Variants in PCM1 observed in about 807,000 individuals in gnomAD.
PCM1 encodes the protein pericentriolar material 1 protein.
In PCM1, 157 loss-of-function variants were observed where a neutral mutation model predicts 241.9. The observed-to-expected ratio is 0.65, with a 90% CI of 0.57 to 0.74. The LOEUF is 0.74. PCM1 is among the 30% of genes least tolerant of loss of function. The pLI is 0.00. For synonymous variants in PCM1, 1,085 were observed against 784.9 expected (o/e 1.38, Z -6.39); for missense variants, 3,478 against 2,360.1 (o/e 1.47, Z -9.81).
intron 26 of PCM1, among the ~76,000 whole-genome samples, chr8:17,989,511 C>G (rs2083759444): frequency 6.6e-6 from 1 of 151,970 alleles, no homozygotes; most frequent in Admixed American, 6.6e-5. Flanking sequence ...GAGTAAGCTA[C>G]TAGACATTGT....
At chr8:17,980,815 T>A in intron 24 of PCM1, 60 bp downstream of exon 24, 1 of 1,337,224 alleles carries the variant, frequency 7.5e-7, no homozygotes, top group South Asian at 1.4e-5. Context: ...TTTGAAAAGC[T>A]ATAATAAAGC....
intron 4 of PCM1, 142 bp from the exon 5 acceptor site, chr8:17,938,598 G>C: frequency 1.6e-6 from 1 of 614,802 alleles, no homozygotes; most frequent in Non-Finnish European, 2.9e-6. Flanking sequence ...CAGAGCCAAA[G>C]CTCTTTCAGG....
At chr8:17,953,219 A>G (rs1277438583) in intron 9 of PCM1, 33 bp downstream of exon 9, 7 of 1,119,126 alleles carry the variant, frequency 6.3e-6, no homozygotes, top group Non-Finnish European at 7.9e-6. Context: ...TATTGGGTAT[A>G]AGACACACAA....
chr8:17,942,320 A>T (rs1316439394), intron 6 of PCM1, among the ~76,000 whole-genome samples: 1 of 152,148 alleles, frequency 6.6e-6, no homozygotes, highest in East Asian at 1.9e-4. Flanking sequence ...TACAAAAATT[A>T]GCTGGGCACG....
intron 9 of PCM1, among the ~76,000 whole-genome samples, chr8:17,954,810 A>G (rs1305442567): frequency 1.5e-4 from 23 of 152,222 alleles, no homozygotes; most frequent in Non-Finnish European, 2.8e-4. Context: ...GTTAAATAGA[A>G]AGTAATTAAA....
Position 17,966,083 on chromosome 8 carries a change from G to T in PCM1, c.2940G>T (p.Arg980=). The change falls in exon 19 of 39, where the codon CGG becomes CGT. Residue 980 remains arginine (R), a synonymous_variant. Coordinates refer to ENST00000325083, the MANE Select transcript of PCM1 (RefSeq NM_006197.4). ...GGCAACAGAATATCAGCATGCAACG[G>T]CAAGAAAACCTTCGTTGGGTGTCAG... ...KTRQQNISMQ[R]QENLRWVSEL... 1 of 1,613,838 alleles carries T rather than the reference G, an allele frequency of 6.2e-7. No homozygotes were observed. The highest frequency in any genetic ancestry group is 8.5e-7 in the Non-Finnish European group (1 of 1,179,784).
At chr8:17,954,031 T>A (rs185156138) in intron 9 of PCM1, among the ~76,000 whole-genome samples, 1 of 152,340 alleles carries the variant, frequency 6.6e-6, no homozygotes, top group East Asian at 1.9e-4. Flanking sequence ...ACCTTAATAT[T>A]CCTGTCCTAA....
At position 17,967,179 on chromosome 8, in the gene PCM1, C is replaced by G. The variant is rs2075181116; in HGVS notation, c.3412+9C>G. On this transcript the variant is annotated intron_variant, in intron 21 of 38. Coordinates refer to ENST00000325083, the MANE Select transcript of PCM1 (RefSeq NM_006197.4). Reference sequence around the variant, plus strand: ...TTCATCATTTGCACCAGGTAGGTGACTTAACCTAAAGAGAAAATAAATAAA... The same window carrying G: ...TTCATCATTTGCACCAGGTAGGTGAGTTAACCTAAAGAGAAAATAAATAAA... 1.3e-6 allele frequency: 2 copies of G among 1,561,520 alleles called. No homozygotes were observed. Among genetic ancestry groups the G allele is most frequent in the East Asian group, 2.3e-5 (1 of 43,528 alleles).
chr8:17,923,468 G>C (rs1227527975), intron 1 of PCM1, among the ~76,000 whole-genome samples: 1 of 152,224 alleles, frequency 6.6e-6, no homozygotes, highest in African/African-American at 2.4e-5. Flanking sequence ...TGCTGGCCCT[G>C]TCGGGGAGGC....
chr8:18,008,285 G>A (rs187476204), intron 30 of PCM1, among the ~76,000 whole-genome samples: 62 of 151,978 alleles, frequency 4.1e-4, no homozygotes, highest in Non-Finnish European at 8.5e-4. Flanking sequence ...CACGTGTGAG[G>A]GATCTAGGTT....
chr8:17,993,091 G>GT (rs779170361), intron 28 of PCM1, among the ~76,000 whole-genome samples: 52 of 151,940 alleles, frequency 3.4e-4, no homozygotes, highest in Non-Finnish European at 5.7e-4. Context: ...AAACTTTTTA[G>GT]TTTAAGTTCC....
chr8:17,924,713 G>A lies in PCM1; in HGVS notation c.-90G>A, dbSNP rs2056219931. On this transcript the variant is annotated splice_region_variant and 5_prime_UTR_variant, in exon 2 of 39. Coordinates refer to ENST00000325083, the MANE Select transcript of PCM1 (RefSeq NM_006197.4). ...GATACATATTTTTAATCCTAATTAG[G>A]AAACAGCTTTGAAGTGTGGAGCGGG... 1 of 152,118 alleles carries A rather than the reference G, an allele frequency of 6.6e-6. No homozygotes were observed. The highest frequency in any genetic ancestry group is 6.5e-5 in the Admixed American group (1 of 15,282). 9.4% of individuals were successfully genotyped at this position (152,118 alleles called of 1,614,324 possible).
Position 18,014,633 on chromosome 8 carries a change from A to C in PCM1, c.5634A>C (p.Glu1878Asp). ...PVKPCYLNIL[E>D]DEQPLNSAAH... ...AACCCTGTTACCTCAATATCTTGGAAGATGAGCAACCTTTAAATAGTGCTG... is the reference window on the plus strand; with the variant it reads ...AACCCTGTTACCTCAATATCTTGGACGATGAGCAACCTTTAAATAGTGCTG... The change falls in exon 36 of 39, where the codon GAA (glutamate) becomes GAC (aspartate). Residue 1878 changes from glutamate (E) to aspartate (D), a missense_variant. Coordinates refer to ENST00000325083, the MANE Select transcript of PCM1 (RefSeq NM_006197.4). The C allele has an allele frequency of 6.2e-7, 1 of 1,613,208 alleles. No individual in the cohort carries two copies. Among genetic ancestry groups the C allele is most frequent in the Non-Finnish European group, 8.5e-7 (1 of 1,179,306 alleles).
At chr8:17,970,293 A>T (rs1365550092) in intron 22 of PCM1, among the ~76,000 whole-genome samples, 1 of 152,110 alleles carries the variant, frequency 6.6e-6, no homozygotes, top group East Asian at 1.9e-4. Context: ...TGTCAGATGT[A>T]TCTCTCTGAT....
At chr8:17,949,188 A>G (rs1317961921) in intron 7 of PCM1, among the ~76,000 whole-genome samples, 1 of 152,144 alleles carries the variant, frequency 6.6e-6, no homozygotes, top group East Asian at 1.9e-4. Flanking sequence ...TTTTAAAACA[A>G]ATTTAGTCTT....
At chr8:17,991,780 C>A (rs1184879737) in intron 28 of PCM1, 80 bp downstream of exon 28, 3 of 1,087,608 alleles carry the variant, frequency 2.8e-6, no homozygotes, top group Non-Finnish European at 4.0e-6. Context: ...GTGGTGATTT[C>A]TGAGATTTTG....
chr8:17,929,274 C>G (rs577436736), intron 2 of PCM1, among the ~76,000 whole-genome samples: 1 of 152,256 alleles, frequency 6.6e-6, no homozygotes, highest in African/African-American at 2.4e-5. Flanking sequence ...GCAGGCTCTC[C>G]TGGTTTCCCT....
At chr8:17,925,573 A>C (rs1346351497) in intron 2 of PCM1, 1 of 152,246 alleles carries the variant, frequency 6.6e-6, no homozygotes, top group African/African-American at 2.4e-5. Context: ...GCAGTGGCTC[A>C]CGCCTGTAAT....
chr8:17,927,600 G>C (rs1209244921), intron 2 of PCM1: 1 of 152,006 alleles, frequency 6.6e-6, no homozygotes, highest in Non-Finnish European at 1.5e-5. Context: ...GCACCCACTG[G>C]AGTGCAGCAG....
Sources: allele counts gnomAD v4.1 joint callset (sites outside exome capture counted in the v4.1 genomes callset), GRCh38; gene constraint gnomAD v4.1.1; transcripts MANE v1.5; gene names NCBI Gene and HGNC (gene_info 2026-07-23, HGNC 2026-07-21).